MYO1E: variants seen among roughly 807,000 people sequenced by gnomAD.
The protein encoded by MYO1E is unconventional myosin-Ie.
In MYO1E, 68 loss-of-function variants were observed where a neutral mutation model predicts 151.1. That is an observed-to-expected ratio of 0.45 (90% CI 0.37 to 0.55). The LOEUF (loss-of-function observed/expected upper bound fraction) is 0.55. MYO1E is among the 20% of genes least tolerant of loss of function. The pLI is 0.00. For synonymous variants in MYO1E, 601 were observed against 501.7 expected, an observed-to-expected ratio of 1.20 and a Z score of -2.64; for missense variants, 1,363 against 1,389.3, an observed-to-expected ratio of 0.98 and a Z score of 0.30.
intron 1 of MYO1E, among the ~76,000 whole-genome samples, chr15:59,302,899 A>AG (rs2080491489): frequency 6.6e-6 from 1 of 152,228 alleles, no homozygotes; most frequent in Non-Finnish European, 1.5e-5. Context: ...AGTCCTGCCC[A>AG]GGGGAGAAGG....
intron 9 of MYO1E, among the ~76,000 whole-genome samples, chr15:59,219,405 AG>A (rs2079940049): frequency 6.6e-6 from 1 of 152,248 alleles, no homozygotes; most frequent in African/African-American, 2.4e-5. Flanking sequence ...ATCTGATAAA[AG>A]AATTTTGTTA....
intron 1 of MYO1E, among the ~76,000 whole-genome samples, chr15:59,335,281 A>G (rs2080721468): frequency 6.7e-6 from 1 of 149,554 alleles, no homozygotes; most frequent in African/African-American, 2.4e-5. Context: ...TATCCTTGGT[A>G]TGTAGTAAAA....
In MYO1E at chr15:59,214,216, G is replaced by C. The variant is rs373603961; in HGVS notation, c.1275+12C>G. The C allele has an allele frequency of 3.7e-5, 59 of 1,593,162 alleles. 1 individual carries two copies. In the African/African-American group the frequency reaches 7.0e-4, roughly 19 times the overall value. On this transcript the variant is annotated intron_variant, in intron 12 of 27. Transcript: ENST00000288235. ...ATAAATAGAATAGGATGAAGGAAGA[G>C]GGACTGCTTACCTGTTCTGCCTTTA...
intron 1 of MYO1E, among the ~76,000 whole-genome samples, chr15:59,285,488 G>A (rs1455754301): frequency 4.6e-5 from 7 of 151,394 alleles, no homozygotes; most frequent in African/African-American, 1.7e-4. Context: ...CCCCCGAGTG[G>A]CTGGGCTTAC....
rs1459849212 is a variant in MYO1E, at chr15:59,137,247, G to A, written c.*133C>T. The stretch of plus-strand genomic sequence containing the variant: ...CAGCCTTTTCAGTGTCCTCCATGGG[G>A]AAGGTACCAGAATAGCTCCAGGCCT... On this transcript the variant is annotated 3_prime_UTR_variant, in exon 28 of 28. Coordinates refer to ENST00000288235, the MANE Select transcript of MYO1E (RefSeq NM_004998.4). 1.2e-6 allele frequency: 1 copy of A among 807,088 alleles called. No homozygotes were observed. The highest frequency in any genetic ancestry group is 1.7e-5 in the African/African-American group (1 of 59,270). The allele number at this position is 807,088 out of a possible 1,614,324, so 50.0% of individuals were successfully genotyped here.
chr15:59,335,111 C>T (rs1374859661), intron 1 of MYO1E, among the ~76,000 whole-genome samples: 1 of 152,136 alleles, frequency 6.6e-6, no homozygotes, highest in Non-Finnish European at 1.5e-5. Context: ...AAGAGAAAAA[C>T]AAGGGCATTC....
At chr15:59,301,727 A>C (rs2080483759) in intron 1 of MYO1E, among the ~76,000 whole-genome samples, 1 of 152,184 alleles carries the variant, frequency 6.6e-6, no homozygotes, top group Non-Finnish European at 1.5e-5. Context: ...GAGCCTGAAG[A>C]GCGGACTCCA....
chr15:59,332,232 G>A (rs751420481), intron 1 of MYO1E, among the ~76,000 whole-genome samples: 1 of 152,154 alleles, frequency 6.6e-6, no homozygotes, highest in African/African-American at 2.4e-5. Flanking sequence ...TCAAAGTCAC[G>A]GGTAAGGGAG....
At chr15:59,346,846 G>A (rs1241771146) in intron 1 of MYO1E, among the ~76,000 whole-genome samples, 3 of 152,050 alleles carry the variant, frequency 2.0e-5, no homozygotes, top group African/African-American at 4.8e-5. Flanking sequence ...GATCCCAGGA[G>A]GTGGAGGTTG....
At position 59,158,366 on chromosome 15, in the gene MYO1E, C is replaced by T; in HGVS notation, c.2799G>A (p.Arg933=). The change falls in exon 25 of 28, where the codon AGG becomes AGA. Residue 933 remains arginine, a synonymous_variant. Coordinates refer to ENST00000288235, the MANE Select transcript of MYO1E (RefSeq NM_004998.4). ...AATAACCTGTATTTTGGGTAGTGTT[C>T]CTTCTGGTAGGACCTGAAATAAACA... ...GLPKNSRPTR[R]NTTQNTGYSS... is the part of the protein sequence containing the mutation. The T allele has an allele frequency of 6.4e-7, 1 of 1,564,050 alleles. No individual in the cohort carries two copies. Among genetic ancestry groups the T allele is most frequent in the Non-Finnish European group, 8.7e-7 (1 of 1,152,512 alleles).
chr15:59,178,569 C>T (rs1437960917), intron 18 of MYO1E, 32 bp from the exon 19 acceptor site: 3 of 1,612,186 alleles, frequency 1.9e-6, no homozygotes, highest in Non-Finnish European at 2.5e-6. Context: ...GAGAATCACA[C>T]TTGGGCGGGA....
In MYO1E at chr15:59,266,847, G is replaced by A. The variant is rs571232123; in HGVS notation, c.148-5338C>T. Reference sequence around the variant, plus strand: ...CGGCTAATTTTTTACATTTTTAGTAGAGACGGAGTTTCACCTTGTTAGCCA... The same window carrying A: ...CGGCTAATTTTTTACATTTTTAGTAAAGACGGAGTTTCACCTTGTTAGCCA... On this transcript the variant is annotated intron_variant, in intron 2 of 27. Coordinates refer to ENST00000288235, the MANE Select transcript of MYO1E (RefSeq NM_004998.4). 5 of 149,886 alleles carry A rather than the reference G, an allele frequency of 3.3e-5. 1 individual carries two copies. The highest frequency in any genetic ancestry group is 7.4e-5 in the Non-Finnish European group (5 of 67,670). The allele number at this position is 149,886 out of a possible 1,614,324, so 9.3% of individuals were successfully genotyped here. A position where few individuals can be genotyped will look rare whatever the true frequency, so the allele number is the denominator to read the frequency against.
intron 1 of MYO1E, among the ~76,000 whole-genome samples, chr15:59,282,577 G>A (rs1259934479): frequency 6.6e-6 from 1 of 151,878 alleles, no homozygotes; most frequent in Non-Finnish European, 1.5e-5. Context: ...CAGGTGTGGT[G>A]GCTCATGCCT....
At chr15:59,186,109 C>G (rs1204389580) in intron 18 of MYO1E, among the ~76,000 whole-genome samples, 1 of 152,128 alleles carries the variant, frequency 6.6e-6, no homozygotes, top group Non-Finnish European at 1.5e-5. Flanking sequence ...TCACATAGTC[C>G]TGCTTACACT....
intron 8 of MYO1E, among the ~76,000 whole-genome samples, chr15:59,223,747 A>G (rs1265421553): frequency 1.3e-5 from 2 of 152,258 alleles, no homozygotes; most frequent in Non-Finnish European, 2.9e-5. Flanking sequence ...GCATCATTTA[A>G]AAGTCCAGTT....
chr15:59,311,565 C>G (rs141598850), intron 1 of MYO1E, among the ~76,000 whole-genome samples: 286 of 152,198 alleles, frequency 1.9e-3, no homozygotes, highest in African/African-American at 6.1e-3. Context: ...GCTTTGGGCA[C>G]AGAAATCACA....
chr15:59,313,972 C>G (rs60111730), intron 1 of MYO1E, among the ~76,000 whole-genome samples: 8,744 of 152,270 alleles, frequency 0.057, 804 homozygotes, highest in African/African-American at 0.19. Context: ...AGTTAGACAG[C>G]GTGGCCTCCT....
At chr15:59,365,368 T>TA (rs1160679345) in intron 1 of MYO1E, among the ~76,000 whole-genome samples, 1 of 152,146 alleles carries the variant, frequency 6.6e-6, no homozygotes, top group African/African-American at 2.4e-5. Flanking sequence ...ACCTTCCACC[T>TA]ACAAGCAGAC....
chr15:59,362,029 G>C (rs963416953), intron 1 of MYO1E, among the ~76,000 whole-genome samples: 1 of 151,842 alleles, frequency 6.6e-6, no homozygotes, highest in Non-Finnish European at 1.5e-5. Context: ...TAGAGATGGG[G>C]TTTCGCTATG....
Sources: allele counts gnomAD v4.1 joint callset (sites outside exome capture counted in the v4.1 genomes callset), GRCh38; gene constraint gnomAD v4.1.1; transcripts MANE v1.5; gene names NCBI Gene and HGNC (gene_info 2026-07-23, HGNC 2026-07-21).